The following NXPE3 variants were observed in gnomAD, a reference collection of about 807,000 sequenced individuals.
The protein encoded by NXPE3 is NXPE family member 3.
A neutral mutation model predicts 46.1 loss-of-function variants in NXPE3; 26 were observed. The observed-to-expected ratio is 0.56, with a 90% CI of 0.41 to 0.78. The LOEUF is 0.78. NXPE3 is among the 30% of genes least tolerant of loss of function. The probability of loss-of-function intolerance (pLI) is 0.00; values close to 1 mark genes in which losing one functional copy is unlikely to be tolerated. For missense variants in NXPE3, 620 were observed against 686.0 expected (o/e 0.90, Z 1.07); for synonymous variants, 272 against 257.9 (o/e 1.05, Z -0.52).
chr3:101,805,206 A>G (rs549763988), intron 5 of NXPE3, among the ~76,000 whole-genome samples: 31 of 152,280 alleles, frequency 2.0e-4, no homozygotes, highest in Admixed American at 2.0e-3. Flanking sequence ...CATTTGGGAC[A>G]TTTATCATTG....
chr3:101,789,701 T>G (rs1165706917), intron 4 of NXPE3, among the ~76,000 whole-genome samples: 2 of 151,870 alleles, frequency 1.3e-5, no homozygotes, highest in African/African-American at 4.8e-5. Flanking sequence ...GTTATTTAGG[T>G]TTTTTTTGGC....
In NXPE3 at chr3:101,825,771, G is replaced by T. The variant is rs948460659; in HGVS notation, c.*3817G>T. The T allele has an allele frequency of 6.6e-6, 1 of 151,950 alleles. No homozygotes were observed. Among genetic ancestry groups the T allele is most frequent in the Non-Finnish European group, 1.5e-5 (1 of 67,974 alleles). The allele number at this position is 151,950 out of a possible 1,614,324, so 9.4% of individuals were successfully genotyped here. A position where few individuals can be genotyped will look rare whatever the true frequency, so the allele number is the denominator to read the frequency against. Reference sequence around the variant, plus strand: ...TTTAGGTTTACAATATTAAAGCAGTGGTTTATATCAATTTCAGTGGTTTAA... The same window carrying T: ...TTTAGGTTTACAATATTAAAGCAGTTGTTTATATCAATTTCAGTGGTTTAA... On this transcript the variant is annotated 3_prime_UTR_variant, in exon 8 of 8. Coordinates refer to ENST00000273347, the MANE Select transcript of NXPE3 (RefSeq NM_145037.4).
chr3:101,788,788 G>A (rs1250611246), intron 4 of NXPE3, among the ~76,000 whole-genome samples: 1 of 151,882 alleles, frequency 6.6e-6, no homozygotes, highest in Non-Finnish European at 1.5e-5. Context: ...GCTAATTTTT[G>A]TATTTTTAGT....
rs558307492 is a variant in NXPE3 at position 101,798,769 on chromosome 3, C to T, written c.94-2466C>T. Among the ~76,000 whole-genome samples, 18 of 151,754 alleles carry T rather than the reference C, an allele frequency of 1.2e-4. 1 individual carries two copies. Among genetic ancestry groups the T allele is most frequent in the African/African-American group, 4.4e-4 (18 of 41,376 alleles). ...CTGAGATTACAGGTGTGTACCACCACACCCAGCTAAATTTTTGTATTTTTA... is the reference window on the plus strand; with the variant it reads ...CTGAGATTACAGGTGTGTACCACCATACCCAGCTAAATTTTTGTATTTTTA... On this transcript the variant is annotated intron_variant, in intron 4 of 7. Transcript: ENST00000273347.
At chr3:101,811,578 T>C (rs960136926) in intron 6 of NXPE3, among the ~76,000 whole-genome samples, 3 of 152,146 alleles carry the variant, frequency 2.0e-5, no homozygotes, top group African/African-American at 7.2e-5. Flanking sequence ...ATTTAAATGA[T>C]TTCTGAAGTC....
chr3:101,821,705 C>T lies in NXPE3; in HGVS notation c.1431C>T (p.Thr477=), dbSNP rs756671139. Residue 477 remains threonine, a synonymous_variant, in exon 8 of 8, where the codon ACC becomes ACT. Transcript: ENST00000273347. ...VVRLLDRSPK[T]VVVIRTANAQ... ...GGCTCCTCGATCGAAGCCCAAAGAC[C>T]GTGGTGGTCATCCGGACGGCCAACG... The T allele has an allele frequency of 1.9e-6, 3 of 1,614,092 alleles. No individual in the cohort carries two copies. Among genetic ancestry groups the T allele is most frequent in the African/African-American group, 1.3e-5 (1 of 74,922 alleles).
intron 7 of NXPE3, 73 bp downstream of exon 7, chr3:101,817,074 CT>C: frequency 7.5e-7 from 1 of 1,325,884 alleles, no homozygotes. Flanking sequence ...ACTCAGGTGC[CT>C]GAAGAAAGGT....
intron 1 of NXPE3, among the ~76,000 whole-genome samples, chr3:101,780,827 AGGGAAG>A (rs1198510076): frequency 6.6e-6 from 1 of 152,230 alleles, no homozygotes; most frequent in Non-Finnish European, 1.5e-5. Flanking sequence ...AAGAAGGGCA[AGGGAAG>A]GTCCAGATGA....
At position 101,824,301 on chromosome 3, in the gene NXPE3, A is replaced by T. The variant is rs576336633; in HGVS notation, c.*2347A>T. ...GGGGGATTTACCAATAACTGGTTTAATTCTGTTCATGATCCAATAGTATTG... is the reference window on the plus strand; with the variant it reads ...GGGGGATTTACCAATAACTGGTTTATTTCTGTTCATGATCCAATAGTATTG... On this transcript the variant is annotated 3_prime_UTR_variant, in exon 8 of 8. Coordinates refer to ENST00000273347, the MANE Select transcript of NXPE3 (RefSeq NM_145037.4). The T allele has an allele frequency of 6.6e-5, 10 of 152,172 alleles. No individual in the cohort carries two copies. Among genetic ancestry groups the T allele is most frequent in the Admixed American group, 1.3e-4 (2 of 15,276 alleles). 9.4% of individuals were successfully genotyped at this position (152,172 alleles called of 1,614,324 possible).
chr3:101,801,147 C>T, intron 4 of NXPE3, 88 bp from the exon 5 acceptor site: 2 of 1,379,402 alleles, frequency 1.4e-6, no homozygotes, highest in South Asian at 1.4e-5. Context: ...CTAAAACTCA[C>T]AGAAGTGTGG....
rs1942376503 is a variant in NXPE3, at chr3:101,824,014, C to T, written c.*2060C>T. ...GCTGAGGTGGGAGGATTGCTTGAGCCCAGGAGGCAGAAGGTTGCAGAGGTT... is the reference window on the plus strand; with the variant it reads ...GCTGAGGTGGGAGGATTGCTTGAGCTCAGGAGGCAGAAGGTTGCAGAGGTT... On this transcript the variant is annotated 3_prime_UTR_variant, in exon 8 of 8. Coordinates refer to ENST00000273347, the MANE Select transcript of NXPE3 (RefSeq NM_145037.4). The T allele has an allele frequency of 6.6e-6, 1 of 151,688 alleles. No homozygotes were observed. Among genetic ancestry groups the T allele is most frequent in the African/African-American group, 2.4e-5 (1 of 41,038 alleles). The allele number at this position is 151,688 out of a possible 1,614,324, so 9.4% of individuals were successfully genotyped here.
chr3:101,814,477 C>T (rs1221649916), intron 6 of NXPE3, among the ~76,000 whole-genome samples: 2 of 151,456 alleles, frequency 1.3e-5, no homozygotes, highest in African/African-American at 2.4e-5. Flanking sequence ...TAGCAGATGC[C>T]GAAGAAAAAA....
intron 4 of NXPE3, among the ~76,000 whole-genome samples, chr3:101,786,699 C>T (rs964352630): frequency 2.0e-5 from 3 of 152,158 alleles, no homozygotes; most frequent in African/African-American, 7.2e-5. Context: ...AATCCTACAC[C>T]GATAGTTCCT....
intron 5 of NXPE3, among the ~76,000 whole-genome samples, chr3:101,806,594 A>G (rs192841170): frequency 6.6e-6 from 1 of 152,322 alleles, no homozygotes; most frequent in East Asian, 1.9e-4. Flanking sequence ...AAAGTACTGC[A>G]TGAGTAAGTA....
chr3:101,798,357 G>A (rs1312396449), intron 4 of NXPE3, among the ~76,000 whole-genome samples: 2 of 151,946 alleles, frequency 1.3e-5, no homozygotes, highest in Admixed American at 6.6e-5. Flanking sequence ...CACAATAAAT[G>A]TTGGCTGTTT....
intron 5 of NXPE3, among the ~76,000 whole-genome samples, chr3:101,806,486 GTTTTA>G (rs1293110260): frequency 6.6e-6 from 1 of 152,090 alleles, no homozygotes; most frequent in Non-Finnish European, 1.5e-5. Context: ...AGTAGTATAT[GTTTTA>G]TTTTATTTTA....
Position 101,816,913 on chromosome 3 carries a change from T to TA in NXPE3, c.1042dup (p.Thr348AsnfsTer14). 9.3e-6 allele frequency: 15 copies of TA among 1,614,158 alleles called. No individual in the cohort carries two copies. Among genetic ancestry groups the TA allele is most frequent in the Non-Finnish European group, 1.3e-5 (15 of 1,179,986 alleles). ...GTCAGTTTAATGACCCTGACAACAT[T>TA]ACAGAGTGCTTACAAAGAAAAGTGG... On this transcript the variant is annotated frameshift_variant, in exon 7 of 8. Transcript: ENST00000273347. LOFTEE classifies it high-confidence loss of function.
chr3:101,813,536 G>A (rs548739980), intron 6 of NXPE3, among the ~76,000 whole-genome samples: 1 of 152,176 alleles, frequency 6.6e-6, no homozygotes, highest in South Asian at 2.1e-4. Context: ...GCAAACCATG[G>A]GCTTTAAAGA....
chr3:101,812,614 C>T (rs1283228060), intron 6 of NXPE3, among the ~76,000 whole-genome samples: 1 of 151,750 alleles, frequency 6.6e-6, no homozygotes, highest in African/African-American at 2.4e-5. Flanking sequence ...GAGATGAGAC[C>T]ATTCTGGCTA....
Sources: allele counts gnomAD v4.1 joint callset (sites outside exome capture counted in the v4.1 genomes callset), GRCh38; gene constraint gnomAD v4.1.1; transcripts MANE v1.5; gene names NCBI Gene and HGNC (gene_info 2026-07-23, HGNC 2026-07-21).